The following MGST1 variants were observed in gnomAD, a reference collection of about 807,000 sequenced individuals.
MGST1 encodes glutathione S-transferase 12.
MGST1 carries 5 observed loss-of-function variants against 8.9 expected under a neutral mutation model. The observed-to-expected ratio is 0.56, with a 90% CI of 0.29 to 1.19. The LOEUF (loss-of-function observed/expected upper bound fraction) is 1.19, where lower values mean the gene tolerates loss of function less well. Ranked by LOEUF, MGST1 falls within the 50% of genes most tolerant of loss-of-function variation. The pLI is 0.08. For missense variants in MGST1, 182 were observed against 187.4 expected (o/e 0.97, Z 0.17); for synonymous variants, 54 against 67.8 (o/e 0.80, Z 1.00).
intron 4 of MGST1, among the ~76,000 whole-genome samples, chr12:16,569,882 TTAAAG>T (rs1204302636): frequency 6.6e-6 from 1 of 152,164 alleles, no homozygotes; most frequent in African/African-American, 2.4e-5. Flanking sequence ...AACTATATCT[TTAAAG>T]TAATAGAAAC....
chr12:16,381,697 G>A (rs1455554936), downstream of MGST1, among the ~76,000 whole-genome samples: 4 of 152,112 alleles, frequency 2.6e-5, no homozygotes, highest in Admixed American at 2.6e-4. Context: ...TTGCTAGATT[G>A]GGGAAGTTCT....
At chr12:16,549,155 C>T (rs1941895564) in intron 4 of MGST1, 2 of 152,112 alleles carry the variant, frequency 1.3e-5, no homozygotes, top group African/African-American at 2.4e-5. Context: ...ATTAAGAAAA[C>T]CACTTTTCAC....
chr12:16,405,294 C>T (rs994416847), intron 1 of MGST1, among the ~76,000 whole-genome samples: 3 of 152,032 alleles, frequency 2.0e-5, no homozygotes, highest in Admixed American at 1.3e-4. Context: ...TGCACCCCTA[C>T]ACACACAAAC....
intron 1 of MGST1, among the ~76,000 whole-genome samples, chr12:16,403,389 G>A (rs1172635572): frequency 6.6e-6 from 1 of 151,904 alleles, no homozygotes; most frequent in Non-Finnish European, 1.5e-5. Context: ...AGCCTTTGAT[G>A]TGTATTTAAA....
rs1942170248 is a variant in MGST1 at position 16,555,822 on chromosome 12, G to C, written n.483-33706G>C. ...AAATTCCTTTCCTCACTGCTCCCTG[G>C]CTCCCTCATCTTCCCCAACCCCGAG... On this transcript the variant is annotated intron_variant and non_coding_transcript_variant, in intron 4 of 4. Transcript: ENST00000538857. The surrounding 1 kb of genome is among the most constrained non-coding windows in gnomAD (Gnocchi z 5.5). Among the ~76,000 whole-genome samples, 1 of 151,944 alleles carries C rather than the reference G, an allele frequency of 6.6e-6. No homozygotes were observed. The highest frequency in any genetic ancestry group is 2.1e-4 in the South Asian group (1 of 4,798).
intron 1 of MGST1, among the ~76,000 whole-genome samples, chr12:16,387,198 G>GA (rs1211572543): frequency 2.6e-5 from 4 of 151,430 alleles, no homozygotes; most frequent in East Asian, 1.9e-4. Context: ...GTATAAATGG[G>GA]AAAAAAAACA....
At chr12:16,388,258 T>C (rs10846352) in intron 1 of MGST1, among the ~76,000 whole-genome samples, 152,163 of 152,168 alleles carry the variant, frequency 1, 76,079 homozygotes, top group Non-Finnish European at 1. Context: ...AGAAAAGGTA[T>C]AGTGAAATAC....
At chr12:16,416,503 G>A (rs1940788984) in intron 1 of MGST1, among the ~76,000 whole-genome samples, 1 of 148,454 alleles carries the variant, frequency 6.7e-6, no homozygotes, top group African/African-American at 2.6e-5. Context: ...TGGTCATTCT[G>A]GTGAGGGCTG....
chr12:16,399,825 T>G, intron 1 of MGST1: 1 of 1,220,292 alleles, frequency 8.2e-7, no homozygotes, highest in Non-Finnish European at 1.2e-6. Flanking sequence ...TTGATCATGG[T>G]CACTTTCTTG....
At chr12:16,505,250 A>C (rs1941530146) in intron 4 of MGST1, among the ~76,000 whole-genome samples, 1 of 152,030 alleles carries the variant, frequency 6.6e-6, no homozygotes, top group African/African-American at 2.4e-5. Context: ...CACAAGAATA[A>C]AAAAAATGCC....
intron 4 of MGST1, among the ~76,000 whole-genome samples, chr12:16,531,333 AG>A (rs1176466728): frequency 5.9e-5 from 9 of 152,032 alleles, no homozygotes; most frequent in Non-Finnish European, 1.2e-4. Context: ...AACTAGGAAA[AG>A]TTAACATCAG....
Position 16,586,559 on chromosome 12 carries a change from T to C in MGST1, n.483-2969T>C, listed in dbSNP as rs1430027930. On this transcript the variant is annotated intron_variant and non_coding_transcript_variant, in intron 4 of 4. Coordinates refer to the MGST1 transcript ENST00000538857. This position sits in a 1 kb window ranked among gnomAD's most constrained non-coding sequence, Gnocchi z 4.3. ...TGTCAGATTCAGGCCAACTGAATTC[T>C]GGAGGACATATGCAAAGACACTGCA... Among the ~76,000 whole-genome samples the C allele has an allele frequency of 6.6e-6, 1 of 152,202 alleles. No individual in the cohort carries two copies. Among genetic ancestry groups the C allele is most frequent in the Non-Finnish European group, 1.5e-5 (1 of 68,030 alleles).
intron 4 of MGST1, among the ~76,000 whole-genome samples, chr12:16,492,858 C>T (rs1242683769): frequency 2.6e-5 from 4 of 152,020 alleles, no homozygotes. Flanking sequence ...ACATGAAAGA[C>T]CAAGAAATTT....
intron 4 of MGST1, among the ~76,000 whole-genome samples, chr12:16,468,839 C>A (rs909215557): frequency 5.3e-5 from 8 of 152,180 alleles, no homozygotes; most frequent in African/African-American, 1.9e-4. Context: ...CTAGGGACTG[C>A]ATTTCTCAGC....
At chr12:16,473,751 C>CA (rs931310984) in intron 4 of MGST1, among the ~76,000 whole-genome samples, 1 of 152,062 alleles carries the variant, frequency 6.6e-6, no homozygotes, top group African/African-American at 2.4e-5. Context: ...TGCGACAGCT[C>CA]ACACCTGTAA....
At chr12:16,454,361 A>C (rs184660799) in intron 4 of MGST1, among the ~76,000 whole-genome samples, 11 of 152,104 alleles carry the variant, frequency 7.2e-5, no homozygotes, top group African/African-American at 2.6e-4. Flanking sequence ...CAAATATGTT[A>C]AATTATTAAA....
rs188045042 is a variant in MGST1, at chr12:16,582,233, A to T, written n.483-7295A>T. ...AATTGCCTTTTTGGTACAGACTGCC[A>T]TAACTATGGTGTTTCTTCCTCCAGT... On this transcript the variant is annotated intron_variant and non_coding_transcript_variant, in intron 4 of 4. Transcript: ENST00000538857. The surrounding 1 kb of genome is among the most constrained non-coding windows in gnomAD (Gnocchi z 4.1). Among the ~76,000 whole-genome samples, 33 of 152,356 alleles carry T rather than the reference A, an allele frequency of 2.2e-4. No individual in the cohort carries two copies. In the East Asian group the frequency reaches 4.8e-3, roughly 22 times the overall value.
chr12:16,395,804 T>TATATATATATATATATATATATATAA, intron 1 of MGST1, among the ~76,000 whole-genome samples: 1 of 123,752 alleles, frequency 8.1e-6, no homozygotes, highest in Admixed American at 8.2e-5. Context: ...TATATATATA[T>TATATATATATATATATATATATATAA]ACACACACAC....
downstream of MGST1, among the ~76,000 whole-genome samples, chr12:16,592,471 C>T (rs928843503): frequency 5.3e-5 from 8 of 151,960 alleles, no homozygotes; most frequent in Admixed American, 5.3e-4. Flanking sequence ...TCTAAAATTA[C>T]ATTCACAGTA....
Sources: allele counts gnomAD v4.1 joint callset (sites outside exome capture counted in the v4.1 genomes callset), GRCh38; gene constraint gnomAD v4.1.1; non-coding constraint Gnocchi (gnomAD v3.1); transcripts MANE v1.5; gene names NCBI Gene and HGNC (gene_info 2026-07-23, HGNC 2026-07-21).